The following ABCA7 variants were observed in gnomAD, a reference collection of about 807,000 sequenced individuals.
ABCA7 encodes phospholipid-transporting ATPase ABCA7.
A neutral mutation model predicts 227.6 loss-of-function variants in ABCA7; 261 were observed. That is an observed-to-expected ratio of 1.15 (90% CI 1.04 to 1.27). The LOEUF is 1.27. ABCA7 is among the 50% of genes most tolerant of loss of function. The pLI is 0.00. For missense variants in ABCA7, 3,331 were observed against 2,924.5 expected, an observed-to-expected ratio of 1.14 and a Z score of -3.21; for synonymous variants, 1,488 against 1,279.7, an observed-to-expected ratio of 1.16 and a Z score of -3.47.
At chr19:1,044,130 C>G (rs894546692) in intron 10 of ABCA7, among the ~76,000 whole-genome samples, 3 of 150,186 alleles carry the variant, frequency 2.0e-5, no homozygotes, top group Non-Finnish European at 4.4e-5. Flanking sequence ...TTAGTAGAGA[C>G]GGGGTTTAAC....
Position 1,041,613 on chromosome 19 carries a change from C to A in ABCA7, c.160+10C>A, listed in dbSNP as rs367574717. ...CTGGAGCACCATGAATGTGAGCCCC[C>A]CCAGGGACCAGGCACTTTGTGTGTG... On this transcript the variant is annotated intron_variant, in intron 3 of 46. Coordinates refer to ENST00000263094, the MANE Select transcript of ABCA7 (RefSeq NM_019112.4). 2 of 1,610,446 alleles carry A rather than the reference C, an allele frequency of 1.2e-6. No individual in the cohort carries two copies. Among genetic ancestry groups the A allele is most frequent in the East Asian group, 2.2e-5 (1 of 44,884 alleles).
chr19:1,046,866 A>G lies in ABCA7; in HGVS notation c.1687A>G (p.Thr563Ala). The change falls in exon 14 of 47, where the codon ACA (threonine) becomes GCA (alanine). Residue 563 changes from threonine to alanine, a missense_variant. Transcript: ENST00000263094. ...GACGCTGGCCTGGATCTACTCCGTG[A>G]CACTGACAGTGAAGGCCGTGGTGCG... is the stretch of plus-strand genomic sequence containing the variant. ...FLTLAWIYSVTLTVKAVVREK... is the reference protein window; with the variant it reads ...FLTLAWIYSVALTVKAVVREK... The G allele has an allele frequency of 6.5e-7, 1 of 1,545,018 alleles. No individual in the cohort carries two copies. Among genetic ancestry groups the G allele is most frequent in the Non-Finnish European group, 8.7e-7 (1 of 1,149,822 alleles).
Position 1,060,517 on chromosome 19 carries a change from T to C in ABCA7, c.5464-1265T>C, listed in dbSNP as rs1006292475. ...TGAGCCACCATGCCCGGCCTTTGTT[T>C]TTTTCTTTTTTTTTTTTTTTGAGAC... On this transcript the variant is annotated intron_variant, in intron 40 of 46. Coordinates refer to ENST00000263094, the MANE Select transcript of ABCA7 (RefSeq NM_019112.4). Among the ~76,000 whole-genome samples, 37 of 147,584 alleles carry C rather than the reference T, an allele frequency of 2.5e-4. 1 individual carries two copies. Among genetic ancestry groups the C allele is most frequent in the African/African-American group, 7.6e-4 (29 of 38,382 alleles).
rs1199789936 is a variant in ABCA7, at chr19:1,056,004, C to T, written c.4239-62C>T. The T allele has an allele frequency of 6.5e-7, 1 of 1,542,604 alleles. No homozygotes were observed. The highest frequency in any genetic ancestry group is 1.6e-5 in the African/African-American group (1 of 62,052). On this transcript the variant is annotated intron_variant, in intron 31 of 46. Transcript: ENST00000263094. This position sits in a 1 kb window ranked among gnomAD's most constrained non-coding sequence, Gnocchi z 4.3. ...CACTCCCATGCCCTCTGCCTGCCCC[C>T]TGGGAGCTCTCCCGGCCCCCCCGGC...
intron 10 of ABCA7, 100 bp from the exon 11 acceptor site, chr19:1,044,477 A>T (rs1460116557): frequency 7.1e-7 from 1 of 1,404,336 alleles, no homozygotes; most frequent in Non-Finnish European, 9.6e-7. Context: ...CGAACTCCTG[A>T]CCTCAGGTGA....
rs576084722 is a variant in ABCA7 at position 1,041,150 on chromosome 19, C to T, written c.-137-75C>T. The T allele has an allele frequency of 4.5e-4, 272 of 608,864 alleles. 2 individuals carry two copies. In the South Asian group the frequency reaches 5.1e-3, roughly 12 times the overall value. The allele number at this position is 608,864 out of a possible 1,614,324, so 37.7% of individuals were successfully genotyped here. On this transcript the variant is annotated intron_variant, in intron 1 of 46. Transcript: ENST00000263094. ...TGCGAGGACGGCTGCGGGTTGCGCT[C>T]CCATTGGTTTACTCCACCCCTGGGG...
At position 1,041,606 on chromosome 19, in the gene ABCA7, G is replaced by T; in HGVS notation, c.160+3G>T. 2 of 1,611,312 alleles carry T rather than the reference G, an allele frequency of 1.2e-6. No homozygotes were observed. Reference sequence around the variant, plus strand: ...CCCGCCCCTGGAGCACCATGAATGTGAGCCCCCCCAGGGACCAGGCACTTT... The same window carrying T: ...CCCGCCCCTGGAGCACCATGAATGTTAGCCCCCCCAGGGACCAGGCACTTT... On this transcript the variant is annotated splice_donor_region_variant and intron_variant, in intron 3 of 46. Transcript: ENST00000263094.
Position 1,046,343 on chromosome 19 carries a change from G to A in ABCA7, c.1559G>A (p.Gly520Asp), listed in dbSNP as rs753290735. The A allele has an allele frequency of 3.7e-6, 6 of 1,600,554 alleles. No homozygotes were observed. Among genetic ancestry groups the A allele is most frequent in the Non-Finnish European group, 5.1e-6 (6 of 1,177,830 alleles). ...CGTGCAGCCGTCCGCGTGCTCAGCG[G>A]CGCCAACCCCCGGGCCGGCCTCTAC... The part of the protein sequence containing the change: ...VERAAVRVLS[G>D]ANPRAGLYLQ... Residue 520 changes from glycine to aspartate, a missense_variant, in exon 13 of 47, where the codon GGC (glycine) becomes GAC (aspartate). Coordinates refer to ENST00000263094, the MANE Select transcript of ABCA7 (RefSeq NM_019112.4).
In ABCA7 at chr19:1,040,182, C is replaced by G. The variant is rs937632151; in HGVS notation, c.-152C>G. ...GGCGGAGGGAAGGCGGCAAGAGCTGCGGAGCCCCTGGAAGGTGAGAAGGAC... is the reference window on the plus strand; with the variant it reads ...GGCGGAGGGAAGGCGGCAAGAGCTGGGGAGCCCCTGGAAGGTGAGAAGGAC... On this transcript the variant is annotated 5_prime_UTR_variant, in exon 1 of 47. Transcript: ENST00000263094. 6.6e-6 allele frequency: 1 copy of G among 152,204 alleles called. No individual in the cohort carries two copies. Among genetic ancestry groups the G allele is most frequent in the Non-Finnish European group, 1.5e-5 (1 of 68,060 alleles). 9.4% of individuals were successfully genotyped at this position (152,204 alleles called of 1,614,324 possible).
Position 1,054,896 on chromosome 19 carries a change from C to T in ABCA7, c.3950+18C>T, listed in dbSNP as rs368583233. 3.2e-6 allele frequency: 5 copies of T among 1,550,956 alleles called. No homozygotes were observed. The highest frequency in any genetic ancestry group is 4.4e-6 in the Non-Finnish European group (5 of 1,145,604). On this transcript the variant is annotated intron_variant, in intron 29 of 46. Transcript: ENST00000263094. This position sits in a 1 kb window ranked among gnomAD's most constrained non-coding sequence, Gnocchi z 4.8. ...TCCCACAGGTGAGGCGTCTTGTTGG[C>T]CTGGACCTTTCCCCTCTCTGGCCTC...
At chr19:1,061,954 C>T (rs1599721772) in intron 41 of ABCA7, 66 bp downstream of exon 41, 3 of 1,479,118 alleles carry the variant, frequency 2.0e-6, no homozygotes, top group East Asian at 2.3e-5. Context: ...GCTTCCCCAC[C>T]CCTCCACCTC....
In ABCA7 at chr19:1,048,911, T is replaced by C; in HGVS notation, c.2286T>C (p.Pro762=). Reference sequence around the variant, plus strand: ...TCCCCGCAGGCCAGTACGGGATCCCTGAACCATGGAATTTTCCTTTTCGGA... The same window carrying C: ...TCCCCGCAGGCCAGTACGGGATCCCCGAACCATGGAATTTTCCTTTTCGGA... The part of the protein sequence containing the change: ...EAVCPGQYGI[P]EPWNFPFRRS... The change falls in exon 17 of 47, where the codon CCT becomes CCC. Residue 762 remains proline (P), a synonymous_variant. Coordinates refer to ENST00000263094, the MANE Select transcript of ABCA7 (RefSeq NM_019112.4). The C allele has an allele frequency of 3.7e-6, 6 of 1,607,782 alleles. No homozygotes were observed. Among genetic ancestry groups the C allele is most frequent in the South Asian group, 1.1e-5 (1 of 89,856 alleles).
At position 1,064,194 on chromosome 19, in the gene ABCA7, G is replaced by T. The variant is rs4147930; in HGVS notation, c.5985G>T (p.Leu1995=). Residue 1995 remains leucine (L), a synonymous_variant, in exon 45 of 47, where the codon CTG becomes CTT. Coordinates refer to ENST00000263094, the MANE Select transcript of ABCA7 (RefSeq NM_019112.4). ...MEECEALCSR[L]AIMVNGRFRC... is the part of the protein sequence containing the mutation. Reference sequence around the variant, plus strand: ...AGTGTGAAGCGCTCTGCTCGCGCCTGGCCATCATGGTGAATGGGCGGTTCC... The same window carrying T: ...AGTGTGAAGCGCTCTGCTCGCGCCTTGCCATCATGGTGAATGGGCGGTTCC... 5.9e-5 allele frequency: 93 copies of T among 1,580,762 alleles called. No homozygotes were observed. Among genetic ancestry groups the T allele is most frequent in the Non-Finnish European group, 7.6e-5 (89 of 1,164,914 alleles).
intron 16 of ABCA7, 100 bp from the exon 17 acceptor site, chr19:1,048,795 C>G (rs568203708): frequency 1.5e-4 from 92 of 607,372 alleles, no homozygotes; most frequent in Non-Finnish European, 2.3e-4. Context: ...GGCAACAGAG[C>G]AAGACTCCGT....
rs757408547 is a variant in ABCA7 at position 1,053,376 on chromosome 19, C to T, written c.3268C>T (p.Arg1090Trp). Residue 1090 changes from arginine to tryptophan, a missense_variant, in exon 24 of 47, where the codon CGG becomes TGG. Transcript: ENST00000263094. ...GGTACAGCACTGGGTGCCCGGGGCA[C>T]GGCTGGTGGAGGAGCTGCCACACGA... ...ALVQHWVPGA[R>W]LVEELPHELV... 24 of 1,608,540 alleles carry T rather than the reference C, an allele frequency of 1.5e-5. No individual in the cohort carries two copies. The highest frequency in any genetic ancestry group is 4.4e-5 in the South Asian group (4 of 90,714).
rs1568381311 is a variant in ABCA7 at position 1,056,354 on chromosome 19, C to G, written c.4441C>G (p.His1481Asp). 3.1e-6 allele frequency: 5 copies of G among 1,613,346 alleles called. No homozygotes were observed. The highest frequency in any genetic ancestry group is 4.2e-6 in the Non-Finnish European group (5 of 1,179,978). ...LKIWFNNKGW[H>D]SMVAFVNRAS... The stretch of plus-strand genomic sequence containing the variant: ...GATCTGGTTCAACAACAAAGGCTGG[C>G]ACTCCATGGTGGCCTTTGTCAACCG... The change falls in exon 33 of 47, where the codon CAC becomes GAC. Residue 1481 changes from histidine to aspartate, a missense_variant. By Grantham distance (81) the His-to-Asp change is moderately conservative. Coordinates refer to ENST00000263094, the MANE Select transcript of ABCA7 (RefSeq NM_019112.4). This position sits in a 1 kb window ranked among gnomAD's most constrained non-coding sequence, Gnocchi z 4.3.
chr19:1,057,755 G>A (rs2042379519), intron 35 of ABCA7, among the ~76,000 whole-genome samples, 160 bp from the exon 36 acceptor site: 1 of 148,776 alleles, frequency 6.7e-6, no homozygotes, highest in African/African-American at 2.5e-5. Flanking sequence ...GAAAGAAAGA[G>A]AGAGAAAGAG....
chr19:1,063,695 C>G lies in ABCA7; in HGVS notation c.5847+17C>G. The G allele has an allele frequency of 6.3e-7, 1 of 1,576,064 alleles. No individual in the cohort carries two copies. Among genetic ancestry groups the G allele is most frequent in the East Asian group, 2.3e-5 (1 of 43,132 alleles). On this transcript the variant is annotated intron_variant, in intron 43 of 46. Coordinates refer to ENST00000263094, the MANE Select transcript of ABCA7 (RefSeq NM_019112.4). The stretch of plus-strand genomic sequence containing the variant: ...GTGTTTCTGGTGCGTGGGAGCGGTG[C>G]CTGGGTGGGGTGGGGCCTGCGACGG...
chr19:1,056,197 A>G lies in ABCA7; in HGVS notation c.4370A>G (p.Asn1457Ser), dbSNP rs1437329219. ...GGGGCCCTCGACCGTGTCCTGAAAAACCTCACAGCCTGGGCTCACAGCCTG... is the reference window on the plus strand; with the variant it reads ...GGGGCCCTCGACCGTGTCCTGAAAAGCCTCACAGCCTGGGCTCACAGCCTG... ...PGGALDRVLK[N>S]LTAWAHSLDA... is the part of the protein sequence containing the mutation. The change falls in exon 32 of 47, where the codon AAC (asparagine) becomes AGC (serine). Residue 1457 changes from asparagine (N) to serine (S), a missense_variant. Asn to Ser is a conservative substitution (Grantham distance 46, BLOSUM62 1). Coordinates refer to ENST00000263094, the MANE Select transcript of ABCA7 (RefSeq NM_019112.4). The surrounding 1 kb of genome is among the most constrained non-coding windows in gnomAD (Gnocchi z 4.3). 7 of 1,603,914 alleles carry G rather than the reference A, an allele frequency of 4.4e-6. No individual in the cohort carries two copies. The highest frequency in any genetic ancestry group is 5.1e-6 in the Non-Finnish European group (6 of 1,177,030).
Sources: gnomAD v4.1 joint callset for allele counts (sites outside exome capture counted in the v4.1 genomes callset) on GRCh38, gnomAD v4.1.1 for gene constraint, Gnocchi (gnomAD v3.1) non-coding constraint, MANE v1.5 for transcripts, NCBI Gene and HGNC (gene_info 2026-07-23, HGNC 2026-07-21) for gene names.